The following QKI variants were observed in gnomAD, a reference collection of about 807,000 sequenced individuals.
QKI encodes the protein KH domain-containing RNA-binding protein QKI.
A neutral mutation model predicts 39.0 loss-of-function variants in QKI; 10 were observed. The observed-to-expected ratio is 0.26, with a 90% CI of 0.16 to 0.43. The LOEUF is 0.43. QKI is among the 20% of genes least tolerant of loss of function. The pLI is 1.00. For synonymous variants in QKI, 204 were observed against 155.4 expected (o/e 1.31, Z -2.33); for missense variants, 218 against 428.0 (o/e 0.51, Z 4.33).
Position 163,572,670 on chromosome 6 carries a change from A to AACCCCCC in QKI, c.*1960_*1961insACCCCCC, listed in dbSNP as rs1783759511. On this transcript the variant is annotated 3_prime_UTR_variant, in exon 8 of 8. Transcript: ENST00000361752. ...CGTGGCAAATCTCAAGTGACAGTGG[A>AACCCCCC]CCCCCCCCCCCGCCCAGCTTATCAA... The AACCCCCC allele has an allele frequency of 5.1e-5, 1 of 19,632 alleles. No homozygotes were observed. The highest frequency in any genetic ancestry group is 8.4e-5 in the Non-Finnish European group (1 of 11,856). 1.2% of individuals were successfully genotyped at this position (19,632 alleles called of 1,614,324 possible).
chr6:163,565,351 T>A (rs1583231417), intron 6 of QKI: 2 of 986,280 alleles, frequency 2.0e-6, no homozygotes, highest in East Asian at 1.1e-4. Context: ...GGGCTGGGGC[T>A]CTTAGCCACC....
intron 3 of QKI, among the ~76,000 whole-genome samples, chr6:163,517,035 GAC>G (rs111701494): frequency 0.088 from 12,864 of 145,414 alleles, 1,079 homozygotes; most frequent in African/African-American, 0.23. Context: ...AGCAGTAGGG[GAC>G]ACACACACAC....
chr6:163,511,976 G>A (rs1025671821), intron 3 of QKI, among the ~76,000 whole-genome samples: 1 of 75,390 alleles, frequency 1.3e-5, no homozygotes, highest in Non-Finnish European at 3.2e-5. Context: ...TTAAATTAAC[G>A]ATAAAAAAAG....
chr6:163,568,197 A>G (rs1158869983), intron 7 of QKI: 3 of 984,470 alleles, frequency 3.0e-6, no homozygotes, highest in Non-Finnish European at 3.6e-6. Context: ...TTGAGGTTTT[A>G]TTCATATTGC....
chr6:163,578,027 A>C lies in QKI; in HGVS notation c.*7317A>C, dbSNP rs931306872. On this transcript the variant is annotated 3_prime_UTR_variant, in exon 8 of 8. Transcript: ENST00000361752. ...GTAAGTTTGGCATCATATCTTCCCC[A>C]AAAAATGTTTATTAAAATTAGATTA... 6.6e-6 allele frequency: 1 copy of C among 152,198 alleles called. No homozygotes were observed. Among genetic ancestry groups the C allele is most frequent in the African/African-American group, 2.4e-5 (1 of 41,452 alleles). 9.4% of individuals were successfully genotyped at this position (152,198 alleles called of 1,614,324 possible).
At position 163,563,661 on chromosome 6, in the gene QKI, C is replaced by T; in HGVS notation, c.876C>T (p.Tyr292=). ...TCTATACACCCTATGAGTACCCCTA[C>T]ACATTGGCACCAGCTACATCAATCC... ...GLIYTPYEYP[Y]TLAPATSILE... The change falls in exon 6 of 8, where the codon TAC becomes TAT. Residue 292 remains tyrosine (Y), a synonymous_variant. Transcript: ENST00000361752. 1 of 1,614,170 alleles carries T rather than the reference C, an allele frequency of 6.2e-7. No individual in the cohort carries two copies. Among genetic ancestry groups the T allele is most frequent in the South Asian group, 1.1e-5 (1 of 91,090 alleles).
intron 7 of QKI, chr6:163,568,417 C>T: frequency 1.0e-6 from 1 of 984,790 alleles, no homozygotes. Flanking sequence ...ACATTCCATG[C>T]ATGGATCTTT....
At chr6:163,515,279 A>T (rs1460402338) in intron 3 of QKI, among the ~76,000 whole-genome samples, 1 of 152,184 alleles carries the variant, frequency 6.6e-6, no homozygotes, top group Non-Finnish European at 1.5e-5. Context: ...GTAAATAGAC[A>T]CAGACATATT....
intron 4 of QKI, among the ~76,000 whole-genome samples, chr6:163,552,579 G>C (rs544205980): frequency 6.6e-6 from 1 of 152,212 alleles, no homozygotes; most frequent in South Asian, 2.1e-4. Flanking sequence ...TGGTCTTGCT[G>C]TTTCAGGGCT....
chr6:163,510,217 AAATAATAATAAT>A (rs142297811), intron 3 of QKI, among the ~76,000 whole-genome samples: 4,166 of 136,218 alleles, frequency 0.031, 99 homozygotes, highest in Non-Finnish European at 0.035. Context: ...CTCTATCTCA[AAATAATAATAAT>A]AATAATAATA....
At chr6:163,419,748 T>C (rs983765388) in intron 1 of QKI, among the ~76,000 whole-genome samples, 3 of 152,214 alleles carry the variant, frequency 2.0e-5, no homozygotes, top group African/African-American at 7.2e-5. Flanking sequence ...TTTACATGTT[T>C]TGTAGTAAAA....
At chr6:163,471,766 T>C (rs1166968400) in intron 2 of QKI, among the ~76,000 whole-genome samples, 1 of 152,088 alleles carries the variant, frequency 6.6e-6, no homozygotes, top group Non-Finnish European at 1.5e-5. Context: ...AAACACTTAG[T>C]AAAAAGATTT....
intron 7 of QKI, chr6:163,567,607 C>A (rs538249040): frequency 6.3e-5 from 62 of 983,356 alleles, no homozygotes; most frequent in Non-Finnish European, 7.2e-5. Flanking sequence ...CCTGTATATG[C>A]CCTTGGACCC....
chr6:163,541,855 C>CTA (rs1781541737), intron 4 of QKI, among the ~76,000 whole-genome samples: 1 of 151,844 alleles, frequency 6.6e-6, no homozygotes, highest in South Asian at 2.1e-4. Context: ...GCAGTATGGC[C>CTA]TACTTGCCTT....
intron 1 of QKI, among the ~76,000 whole-genome samples, chr6:163,421,779 C>A (rs542264079): frequency 5.3e-5 from 8 of 150,890 alleles, no homozygotes; most frequent in South Asian, 2.1e-4. Flanking sequence ...GAGTCTCGCT[C>A]TGTCACCCAG....
chr6:163,557,119 C>T (rs985002522), intron 4 of QKI, among the ~76,000 whole-genome samples: 12 of 152,196 alleles, frequency 7.9e-5, no homozygotes, highest in Non-Finnish European at 5.9e-5. Context: ...AAATAACATA[C>T]TACTCAGCCA....
chr6:163,540,482 A>T (rs1257990963), intron 4 of QKI, among the ~76,000 whole-genome samples: 2 of 152,098 alleles, frequency 1.3e-5, no homozygotes, highest in African/African-American at 4.8e-5. Flanking sequence ...AAATCTTTTC[A>T]ATTCGTATTT....
intron 1 of QKI, among the ~76,000 whole-genome samples, chr6:163,451,991 C>T (rs1217108458): frequency 6.6e-6 from 1 of 152,116 alleles, no homozygotes; most frequent in East Asian, 1.9e-4. Flanking sequence ...AAAGACAAAA[C>T]TTTTAAAAAC....
At chr6:163,426,474 A>G (rs548856284) in intron 1 of QKI, among the ~76,000 whole-genome samples, 1 of 152,252 alleles carries the variant, frequency 6.6e-6, no homozygotes, top group East Asian at 1.9e-4. Flanking sequence ...TAGAGTGGTG[A>G]TAGATGGATC....
Sources: gnomAD v4.1 joint callset for allele counts (sites outside exome capture counted in the v4.1 genomes callset) on GRCh38, gnomAD v4.1.1 for gene constraint, MANE v1.5 for transcripts, NCBI Gene and HGNC (gene_info 2026-07-23, HGNC 2026-07-21) for gene names.